The following LRP1B variants were observed in gnomAD, a reference collection of about 807,000 sequenced individuals.
LRP1B encodes the protein LDL receptor related protein 1B, also known as low-density lipoprotein receptor-related protein 1B.
LRP1B carries 217 observed loss-of-function variants against 556.6 expected under a neutral mutation model. The observed-to-expected ratio is 0.39, with a 90% CI of 0.35 to 0.44. The LOEUF is 0.44. LRP1B is among the 20% of genes least tolerant of loss of function. The pLI is 1.00. For missense variants in LRP1B, 5,053 were observed against 5,620.8 expected, an observed-to-expected ratio of 0.90 and a Z score of 3.23; for synonymous variants, 2,047 against 1,865.8, an observed-to-expected ratio of 1.10 and a Z score of -2.50.
At chr2:141,726,018 GGATT>G (rs1443688591) in intron 2 of LRP1B, among the ~76,000 whole-genome samples, 4 of 151,128 alleles carry the variant, frequency 2.6e-5, no homozygotes, top group African/African-American at 4.9e-5. Context: ...TTTTGTATAC[GGATT>G]AAGATTCCTT....
intron 35 of LRP1B, among the ~76,000 whole-genome samples, chr2:140,738,427 A>G (rs891718436): frequency 5.3e-5 from 8 of 152,136 alleles, no homozygotes; most frequent in Non-Finnish European, 1.0e-4. Flanking sequence ...GGTCTGTGGC[A>G]GCCAATAACA....
chr2:141,044,069 G>C (rs1412879726), intron 11 of LRP1B, among the ~76,000 whole-genome samples: 1 of 151,828 alleles, frequency 6.6e-6, no homozygotes, highest in African/African-American at 2.4e-5. Context: ...TACCAAAACA[G>C]AGATATAGAT....
At chr2:141,905,052 T>A (rs1699715739) in intron 1 of LRP1B, among the ~76,000 whole-genome samples, 1 of 151,852 alleles carries the variant, frequency 6.6e-6, no homozygotes, top group Non-Finnish European at 1.5e-5. Context: ...ATACGGCTAA[T>A]TCGGAGATCA....
intron 35 of LRP1B, 81 bp from the exon 36 acceptor site, chr2:140,716,897 CA>C (rs1687232517): frequency 1.5e-6 from 1 of 687,660 alleles, no homozygotes; most frequent in Non-Finnish European, 2.3e-6. Context: ...CATATTGCAA[CA>C]GTATCTTTTA....
At chr2:141,670,615 C>A (rs545769577) in intron 2 of LRP1B, among the ~76,000 whole-genome samples, 1 of 152,252 alleles carries the variant, frequency 6.6e-6, no homozygotes, top group African/African-American at 2.4e-5. Flanking sequence ...ATGAATTTCA[C>A]ATTTTGGGTG....
chr2:141,553,466 A>C (rs1685828741), intron 2 of LRP1B, among the ~76,000 whole-genome samples: 1 of 151,512 alleles, frequency 6.6e-6, no homozygotes, highest in African/African-American at 2.4e-5. Context: ...TGCATACTGG[A>C]CAAATTATCC....
intron 28 of LRP1B, among the ~76,000 whole-genome samples, chr2:140,851,008 T>C (rs1306029980): frequency 6.6e-6 from 1 of 152,186 alleles, no homozygotes; most frequent in Non-Finnish European, 1.5e-5. Context: ...TAAAGCTACA[T>C]GTACCTAAAC....
chr2:141,776,382 T>C (rs1213054291), intron 2 of LRP1B, among the ~76,000 whole-genome samples: 2 of 152,242 alleles, frequency 1.3e-5, no homozygotes, highest in Admixed American at 6.5e-5. Flanking sequence ...CCATATATTC[T>C]TGCTAAGTGC....
chr2:141,381,870 AC>A (rs1418609348), intron 3 of LRP1B, among the ~76,000 whole-genome samples: 7 of 152,188 alleles, frequency 4.6e-5, no homozygotes, highest in African/African-American at 1.7e-4. Context: ...TCCTTCCAAA[AC>A]AAGAATTCTG....
chr2:141,244,028 C>A (rs1183807245), intron 5 of LRP1B, among the ~76,000 whole-genome samples: 1 of 152,082 alleles, frequency 6.6e-6, no homozygotes, highest in Non-Finnish European at 1.5e-5. Flanking sequence ...TATCTATTGT[C>A]TTGAAAATAA....
intron 46 of LRP1B, 42 bp from the exon 47 acceptor site, chr2:140,534,182 G>C (rs771952385): frequency 6.4e-7 from 1 of 1,552,640 alleles, no homozygotes; most frequent in Non-Finnish European, 8.8e-7. Flanking sequence ...AGATCATATA[G>C]AAATATTTGT....
intron 63 of LRP1B, among the ~76,000 whole-genome samples, chr2:140,449,976 G>A (rs943604874): frequency 3.9e-5 from 6 of 152,108 alleles, no homozygotes; most frequent in Non-Finnish European, 2.9e-5. Context: ...AGTTACCAAC[G>A]ATTGCTGAAA....
intron 9 of LRP1B, among the ~76,000 whole-genome samples, chr2:141,057,832 C>T (rs1268816777): frequency 6.6e-6 from 1 of 151,772 alleles, no homozygotes; most frequent in African/African-American, 2.4e-5. Flanking sequence ...CTTCAAATAC[C>T]TCAAGTCATT....
At chr2:141,530,361 T>A (rs1378608615) in intron 2 of LRP1B, among the ~76,000 whole-genome samples, 1 of 152,044 alleles carries the variant, frequency 6.6e-6, no homozygotes, top group Non-Finnish European at 1.5e-5. Flanking sequence ...TGCAGAGAGG[T>A]GACAGAACAG....
chr2:141,897,567 G>T (rs921710240), intron 1 of LRP1B, among the ~76,000 whole-genome samples: 1 of 152,036 alleles, frequency 6.6e-6, no homozygotes, highest in Admixed American at 6.6e-5. Flanking sequence ...CTCTGTATTA[G>T]CCCACAAAGG....
At chr2:140,976,819 C>T (rs1268501740) in intron 18 of LRP1B, among the ~76,000 whole-genome samples, 1 of 151,896 alleles carries the variant, frequency 6.6e-6, no homozygotes, top group Admixed American at 6.6e-5. Flanking sequence ...CCTGAACTAC[C>T]TTTCAATCTG....
chr2:140,624,044 C>T (rs1683562686), intron 41 of LRP1B, among the ~76,000 whole-genome samples: 2 of 145,148 alleles, frequency 1.4e-5, no homozygotes, highest in African/African-American at 5.1e-5. Flanking sequence ...AATGTCCAAG[C>T]CACATGGTTT....
At chr2:141,429,742 T>C (rs1680496626) in intron 3 of LRP1B, among the ~76,000 whole-genome samples, 1 of 152,180 alleles carries the variant, frequency 6.6e-6, no homozygotes. Flanking sequence ...ATATGCGGTA[T>C]TTGGTTTTCC....
rs566971453 is a variant in LRP1B, at chr2:141,649,342, A to G, written c.205+160937T>C. Among the ~76,000 whole-genome samples the G allele has an allele frequency of 2.0e-5, 3 of 152,318 alleles. No homozygotes were observed. In the East Asian group the frequency reaches 5.8e-4, roughly 29 times the overall value. On this transcript the variant is annotated intron_variant, in intron 2 of 90. Coordinates refer to ENST00000389484, the MANE Select transcript of LRP1B (RefSeq NM_018557.3). ...TATAGGACCAAACTTTGAAAATCCC[A>G]TTGTTCTTAGCAAATTCAAAACCAA...
Sources: allele counts gnomAD v4.1 joint callset (sites outside exome capture counted in the v4.1 genomes callset), GRCh38; gene constraint gnomAD v4.1.1; transcripts MANE v1.5; gene names NCBI Gene and HGNC (gene_info 2026-07-23, HGNC 2026-07-21).